The following MRPS28 variants were observed in gnomAD, a reference collection of about 807,000 sequenced individuals.
The protein encoded by MRPS28 is small ribosomal subunit protein bS1m.
In MRPS28, 7 loss-of-function variants were observed where a neutral mutation model predicts 10.8. That is an observed-to-expected ratio of 0.65 (90% CI 0.37 to 1.22). The LOEUF is 1.22. MRPS28 is among the 50% of genes most tolerant of loss of function. The pLI is 0.02. For missense variants in MRPS28, 265 were observed against 232.9 expected (o/e 1.14, Z -0.90); for synonymous variants, 121 against 93.3 (o/e 1.30, Z -1.71).
chr8:80,007,006 G>A (rs1232135629), intron 1 of MRPS28, among the ~76,000 whole-genome samples: 6 of 152,072 alleles, frequency 3.9e-5, no homozygotes, highest in African/African-American at 1.4e-4. Flanking sequence ...GATGAACATC[G>A]ATGCAAAAAT....
intron 2 of MRPS28, among the ~76,000 whole-genome samples, chr8:79,981,020 A>G (rs1258311002): frequency 3.9e-5 from 6 of 152,198 alleles, no homozygotes; most frequent in Non-Finnish European, 7.3e-5. Context: ...AAATAAATGA[A>G]ACAAAGAGCT....
intron 2 of MRPS28, among the ~76,000 whole-genome samples, chr8:79,986,419 G>A (rs1747560344): frequency 6.6e-6 from 1 of 152,098 alleles, no homozygotes. Flanking sequence ...TGGAAGTTCT[G>A]GCCAGGGCAA....
intron 2 of MRPS28, among the ~76,000 whole-genome samples, chr8:79,924,652 C>T (rs1810186754): frequency 6.6e-6 from 1 of 152,154 alleles, no homozygotes; most frequent in Non-Finnish European, 1.5e-5. Context: ...ACGCAAAATG[C>T]AAACTTTTAA....
chr8:79,967,805 C>G (rs915621460), intron 2 of MRPS28, among the ~76,000 whole-genome samples: 4 of 151,920 alleles, frequency 2.6e-5, no homozygotes, highest in Non-Finnish European at 1.5e-5. Flanking sequence ...CAGCACTGCC[C>G]CAAGAAGCTG....
At chr8:79,954,860 G>A (rs1023986408) in intron 2 of MRPS28, among the ~76,000 whole-genome samples, 1 of 152,108 alleles carries the variant, frequency 6.6e-6, no homozygotes, top group African/African-American at 2.4e-5. Context: ...GCTTGGCTGG[G>A]TGCAGAGGTG....
intron 1 of MRPS28, among the ~76,000 whole-genome samples, chr8:80,017,944 T>C (rs996510243): frequency 2.0e-5 from 3 of 152,158 alleles, no homozygotes; most frequent in Non-Finnish European, 4.4e-5. Flanking sequence ...AAAGCATTAA[T>C]AACCAGGATA....
intron 1 of MRPS28, among the ~76,000 whole-genome samples, chr8:80,005,613 G>A (rs972036474): frequency 6.6e-6 from 1 of 152,134 alleles, no homozygotes; most frequent in African/African-American, 2.4e-5. Context: ...CATAATGACA[G>A]GATCAAATTC....
chr8:80,003,264 T>C, intron 1 of MRPS28, 84 bp from the exon 2 acceptor site: 2 of 1,050,486 alleles, frequency 1.9e-6, no homozygotes, highest in Non-Finnish European at 2.6e-6. Flanking sequence ...TTAAAGTCAA[T>C]TGTTGTAGCA....
At chr8:80,024,225 T>C (rs1809442732) in intron 1 of MRPS28, among the ~76,000 whole-genome samples, 1 of 149,812 alleles carries the variant, frequency 6.7e-6, no homozygotes, top group African/African-American at 2.5e-5. Context: ...CAAGACCCTG[T>C]CTGGAAAAAA....
rs538310858 is a variant in MRPS28 at position 79,998,260 on chromosome 8, T to C, written c.395+4739A>G. Among the ~76,000 whole-genome samples, 19 of 152,292 alleles carry C rather than the reference T, an allele frequency of 1.2e-4. No homozygotes were observed. The East Asian group carries it at 2.5e-3, about 20-fold the overall frequency. ...TTGATTTGACAAATCAGTTATTAAA[T>C]GATAACTTCCAAAGAAGTTAATGCC... On this transcript the variant is annotated intron_variant, in intron 2 of 2. Coordinates refer to ENST00000276585, the MANE Select transcript of MRPS28 (RefSeq NM_014018.3).
At chr8:80,028,904 C>T (rs1437729131) in intron 1 of MRPS28, 2 of 152,742 alleles carry the variant, frequency 1.3e-5, no homozygotes, top group East Asian at 3.9e-4. Context: ...TAGCAGTGAA[C>T]TGAGATCATG....
chr8:80,001,369 G>C (rs1261312592), intron 2 of MRPS28, among the ~76,000 whole-genome samples: 1 of 152,170 alleles, frequency 6.6e-6, no homozygotes, highest in East Asian at 1.9e-4. Context: ...CTCTCTTAAA[G>C]GGTAACTTTT....
rs142807291 is a variant in MRPS28 at position 79,944,238 on chromosome 8, C to A, written c.396-25090G>T. 5.0e-4 allele frequency among the ~76,000 whole-genome samples: 76 copies of A among 152,258 alleles called. No homozygotes were observed. In the East Asian group the frequency reaches 0.013, roughly 27 times the overall value. ...GGATGTTTTTTCCTTATGGATGATG[C>A]CTTCCTTTAAGCTGAATATTCCAAT... On this transcript the variant is annotated intron_variant, in intron 2 of 2. Transcript: ENST00000276585.
chr8:79,966,158 A>T (rs530501301), intron 2 of MRPS28, among the ~76,000 whole-genome samples: 2 of 152,188 alleles, frequency 1.3e-5, no homozygotes, highest in Middle Eastern at 3.4e-3. Flanking sequence ...ATGATTATAG[A>T]AAGGCAGAAA....
chr8:79,950,245 T>C (rs1050953176), intron 2 of MRPS28, among the ~76,000 whole-genome samples: 2 of 152,194 alleles, frequency 1.3e-5, no homozygotes, highest in African/African-American at 4.8e-5. Context: ...ATGGTGGTGG[T>C]AATCTTTAAG....
At chr8:79,962,267 C>T (rs1171196590) in intron 2 of MRPS28, among the ~76,000 whole-genome samples, 3 of 152,018 alleles carry the variant, frequency 2.0e-5, no homozygotes, top group African/African-American at 7.2e-5. Context: ...CTTTGAATAA[C>T]CACCAGAAGC....
At chr8:80,020,420 G>A (rs1283186079) in intron 1 of MRPS28, among the ~76,000 whole-genome samples, 1 of 152,190 alleles carries the variant, frequency 6.6e-6, no homozygotes, top group Non-Finnish European at 1.5e-5. Context: ...TCAGATGGTT[G>A]AGGGGGCTTT....
chr8:80,028,596 G>A (rs938214128), intron 1 of MRPS28: 1 of 135,728 alleles, frequency 7.4e-6, no homozygotes, highest in South Asian at 2.4e-4. Flanking sequence ...TCTTAAAATA[G>A]ATTATCTAGG....
rs1810036383 is a variant in MRPS28, at chr8:79,919,945, C to CT, written c.396-798_396-797insA. Among the ~76,000 whole-genome samples the CT allele has an allele frequency of 1.7e-5, 2 of 116,530 alleles. 1 individual carries two copies. The highest frequency in any genetic ancestry group is 3.5e-5 in the Non-Finnish European group (2 of 57,832). 76.4% of individuals were successfully genotyped at this position (116,530 alleles called of 152,430 possible). A position where few individuals can be genotyped will look rare whatever the true frequency, so the allele number is the denominator to read the frequency against. ...TATATCTCCTAATGCTATCCCTCCC[C>CT]CCACCCCATAACAGGCCCCGGTGTG... is the stretch of plus-strand genomic sequence containing the variant. On this transcript the variant is annotated intron_variant, in intron 2 of 2. Coordinates refer to ENST00000276585, the MANE Select transcript of MRPS28 (RefSeq NM_014018.3).
Sources: allele counts gnomAD v4.1 joint callset (sites outside exome capture counted in the v4.1 genomes callset), GRCh38; gene constraint gnomAD v4.1.1; transcripts MANE v1.5; gene names NCBI Gene and HGNC (gene_info 2026-07-23, HGNC 2026-07-21).